Variants in SMIM38 observed in about 807,000 individuals in gnomAD.
The protein encoded by SMIM38 is small integral membrane protein 38.
rs1406024780 is a variant in SMIM38 at position 69,158,879 on chromosome 11, A to C, written c.*877A>C. 6.6e-6 allele frequency: 1 copy of C among 152,262 alleles called. No individual in the cohort carries two copies. The highest frequency in any genetic ancestry group is 1.9e-4 in the East Asian group (1 of 5,198). 9.4% of individuals were successfully genotyped at this position (152,262 alleles called of 1,614,324 possible). On this transcript the variant is annotated 3_prime_UTR_variant, in exon 2 of 3. Coordinates refer to ENST00000686237, the MANE Select transcript of SMIM38 (RefSeq NM_001369201.2). ...GCTTGGGGAAGCTCAAAGGCTCCACATTCGAGCCTCTTGGGGGAAATTCGG... is the reference window on the plus strand; with the variant it reads ...GCTTGGGGAAGCTCAAAGGCTCCACCTTCGAGCCTCTTGGGGGAAATTCGG...
Position 69,158,946 on chromosome 11 carries a change from C to T in SMIM38, c.*944C>T, listed in dbSNP as rs1262533032. On this transcript the variant is annotated 3_prime_UTR_variant, in exon 2 of 3. Coordinates refer to ENST00000686237, the MANE Select transcript of SMIM38 (RefSeq NM_001369201.2). ...AGTTCCACACTGTATTTCCTGGGAT[C>T]GTTCCAGCAGATCGTGGATTGCAGC... is the stretch of plus-strand genomic sequence containing the variant. 1 of 152,248 alleles carries T rather than the reference C, an allele frequency of 6.6e-6. No individual in the cohort carries two copies. The highest frequency in any genetic ancestry group is 1.5e-5 in the Non-Finnish European group (1 of 68,068). The allele number at this position is 152,248 out of a possible 1,614,324, so 9.4% of individuals were successfully genotyped here.
chr11:69,156,306 C>T (rs1856986188), intron 1 of SMIM38, among the ~76,000 whole-genome samples, 192 bp downstream of exon 1: 1 of 152,262 alleles, frequency 6.6e-6, no homozygotes, highest in Middle Eastern at 3.2e-3. Flanking sequence ...GTAGCTCAGG[C>T]TGGACATTTG....
rs1011551047 is a variant in SMIM38, at chr11:69,160,944, T to C, written c.*2848T>C. ...GAGAGGCTTTAAAAGTATTTTGTTT[T>C]TCTTTCTTCACGTAGCAAGAAGTCT... On this transcript the variant is annotated 3_prime_UTR_variant, in exon 3 of 3. Transcript: ENST00000686237. The C allele has an allele frequency of 6.6e-6, 1 of 152,236 alleles. No individual in the cohort carries two copies. Among genetic ancestry groups the C allele is most frequent in the African/African-American group, 2.4e-5 (1 of 41,472 alleles). The allele number at this position is 152,236 out of a possible 1,614,324, so 9.4% of individuals were successfully genotyped here.
At position 69,159,769 on chromosome 11, in the gene SMIM38, C is replaced by T. The variant is rs547187095; in HGVS notation, c.*1673C>T. On this transcript the variant is annotated 3_prime_UTR_variant, in exon 3 of 3. Coordinates refer to ENST00000686237, the MANE Select transcript of SMIM38 (RefSeq NM_001369201.2). Reference sequence around the variant, plus strand: ...CTCTGCCTGAATATTCTCGCCTGATCGTAGGATTGTGGGGAGGGATATTCT... The same window carrying T: ...CTCTGCCTGAATATTCTCGCCTGATTGTAGGATTGTGGGGAGGGATATTCT... 3.9e-5 allele frequency: 6 copies of T among 152,232 alleles called. No homozygotes were observed. The highest frequency in any genetic ancestry group is 2.1e-4 in the South Asian group (1 of 4,814). 9.4% of individuals were successfully genotyped at this position (152,232 alleles called of 1,614,324 possible).
rs770301131 is a variant in SMIM38 at position 69,161,130 on chromosome 11, A to G, written c.*3034A>G. The G allele has an allele frequency of 6.6e-6, 1 of 152,250 alleles. No individual in the cohort carries two copies. The highest frequency in any genetic ancestry group is 1.9e-4 in the East Asian group (1 of 5,198). 9.4% of individuals were successfully genotyped at this position (152,250 alleles called of 1,614,324 possible). On this transcript the variant is annotated 3_prime_UTR_variant, in exon 3 of 3. Transcript: ENST00000686237. ...CAGGCATCTTACACGAGTTCCAGGC[A>G]GGAAGAGAAAGGAAAGGGTGACAGA...
chr11:69,161,055 C>T lies in SMIM38; in HGVS notation c.*2959C>T, dbSNP rs1304716891. ...CCTGACATATTTCTGCTCTGCTACC[C>T]TCAGCATGTAGATTTGATCTTCACG... On this transcript the variant is annotated 3_prime_UTR_variant, in exon 3 of 3. Transcript: ENST00000686237. The T allele has an allele frequency of 6.6e-6, 1 of 152,236 alleles. No individual in the cohort carries two copies. The highest frequency in any genetic ancestry group is 1.5e-5 in the Non-Finnish European group (1 of 68,048). 9.4% of individuals were successfully genotyped at this position (152,236 alleles called of 1,614,324 possible).
Position 69,161,002 on chromosome 11 carries a change from G to C in SMIM38, c.*2906G>C, listed in dbSNP as rs1469821147. On this transcript the variant is annotated 3_prime_UTR_variant, in exon 3 of 3. Transcript: ENST00000686237. The stretch of plus-strand genomic sequence containing the variant: ...GGCATTCCCAGGCTGTGGCGTGACA[G>C]CTTTGTGAAGTTATCAGGGTCTCAG... The C allele has an allele frequency of 6.6e-6, 1 of 152,238 alleles. No individual in the cohort carries two copies. Among genetic ancestry groups the C allele is most frequent in the African/African-American group, 2.4e-5 (1 of 41,454 alleles). The allele number at this position is 152,238 out of a possible 1,614,324, so 9.4% of individuals were successfully genotyped here.
At chr11:69,156,591 CGTGTGTGT>C (rs10651002) in intron 1 of SMIM38, among the ~76,000 whole-genome samples, 2 of 150,702 alleles carry the variant, frequency 1.3e-5, no homozygotes, top group African/African-American at 2.4e-5. Context: ...CATGTGTATG[CGTGTGTGT>C]GTGTGTGTGT....
At chr11:69,156,672 C>G (rs746632319) in intron 1 of SMIM38, among the ~76,000 whole-genome samples, 1 of 152,086 alleles carries the variant, frequency 6.6e-6, no homozygotes, top group Non-Finnish European at 1.5e-5. Context: ...GATGTGGAGG[C>G]CTTTCTGAAG....
Position 69,161,999 on chromosome 11 carries a change from A to G in SMIM38, c.*3903A>G, listed in dbSNP as rs1857057914. ...ACACAGGGAGAAAATGGCCACGTAC[A>G]AGCCAAGATGAGAGGACTCAGGAAG... On this transcript the variant is annotated 3_prime_UTR_variant, in exon 3 of 3. Transcript: ENST00000686237. 1 of 152,204 alleles carries G rather than the reference A, an allele frequency of 6.6e-6. No homozygotes were observed. Among genetic ancestry groups the G allele is most frequent in the South Asian group, 2.1e-4 (1 of 4,822 alleles). 9.4% of individuals were successfully genotyped at this position (152,204 alleles called of 1,614,324 possible). A position where few individuals can be genotyped will look rare whatever the true frequency, so the allele number is the denominator to read the frequency against.
At position 69,158,866 on chromosome 11, in the gene SMIM38, T is replaced by G. The variant is rs1258848774; in HGVS notation, c.*864T>G. 1 of 152,210 alleles carries G rather than the reference T, an allele frequency of 6.6e-6. No homozygotes were observed. Among genetic ancestry groups the G allele is most frequent in the Non-Finnish European group, 1.5e-5 (1 of 68,054 alleles). 9.4% of individuals were successfully genotyped at this position (152,210 alleles called of 1,614,324 possible). ...GACTTAACCCACAGCTTGGGGAAGC[T>G]CAAAGGCTCCACATTCGAGCCTCTT... On this transcript the variant is annotated 3_prime_UTR_variant, in exon 2 of 3. Transcript: ENST00000686237.
At chr11:69,156,976 G>A (rs1200299021) in intron 1 of SMIM38, among the ~76,000 whole-genome samples, 198 bp from the exon 2 acceptor site, 1 of 152,240 alleles carries the variant, frequency 6.6e-6, no homozygotes, top group South Asian at 2.1e-4. Flanking sequence ...GGTTGGAGGG[G>A]CGAGCTGGAG....
chr11:69,161,774 A>G lies in SMIM38; in HGVS notation c.*3678A>G, dbSNP rs1296984778. 6.6e-6 allele frequency: 1 copy of G among 152,240 alleles called. No homozygotes were observed. Among genetic ancestry groups the G allele is most frequent in the East Asian group, 1.9e-4 (1 of 5,202 alleles). 9.4% of individuals were successfully genotyped at this position (152,240 alleles called of 1,614,324 possible). ...ATAAAAGGATAGTGTTAGGGCTGGAATGTCTTCCCCCCAATTCATATGTTG... is the reference window on the plus strand; with the variant it reads ...ATAAAAGGATAGTGTTAGGGCTGGAGTGTCTTCCCCCCAATTCATATGTTG... On this transcript the variant is annotated 3_prime_UTR_variant, in exon 3 of 3. Transcript: ENST00000686237.
chr11:69,156,873 C>T (rs2924523), intron 1 of SMIM38, among the ~76,000 whole-genome samples: 3 of 152,142 alleles, frequency 2.0e-5, no homozygotes, highest in South Asian at 2.1e-4. Context: ...GACTGGCCTC[C>T]GGTCCAGGGT....
At position 69,159,173 on chromosome 11, in the gene SMIM38, G is replaced by T. The variant is rs1402967597; in HGVS notation, c.*1171G>T. 6.6e-6 allele frequency: 1 copy of T among 152,272 alleles called. No individual in the cohort carries two copies. Among genetic ancestry groups the T allele is most frequent in the Non-Finnish European group, 1.5e-5 (1 of 68,100 alleles). The allele number at this position is 152,272 out of a possible 1,614,324, so 9.4% of individuals were successfully genotyped here. ...AAGTCCTCTGAACACGAAGCTCGCA[G>T]AGGGGGTGATTCCTGTGAATTCTGA... On this transcript the variant is annotated 3_prime_UTR_variant, in exon 2 of 3. Transcript: ENST00000686237.
chr11:69,159,010 G>GATC lies in SMIM38; in HGVS notation c.*1008_*1009insATC, dbSNP rs1590780859. ...TGCATGCGGAACTGTGAGATGGAAG[G>GATC]GACTGTGGGCGGCAGCTCCAGGGAG... On this transcript the variant is annotated 3_prime_UTR_variant, in exon 2 of 3. Transcript: ENST00000686237. 1.3e-5 allele frequency: 2 copies of GATC among 152,298 alleles called. No homozygotes were observed. Among genetic ancestry groups the GATC allele is most frequent in the East Asian group, 3.9e-4 (2 of 5,194 alleles). The allele number at this position is 152,298 out of a possible 1,614,324, so 9.4% of individuals were successfully genotyped here. A position where few individuals can be genotyped will look rare whatever the true frequency, so the allele number is the denominator to read the frequency against.
In SMIM38 at chr11:69,161,858, A is replaced by G. The variant is rs1203670831; in HGVS notation, c.*3762A>G. On this transcript the variant is annotated 3_prime_UTR_variant, in exon 3 of 3. Transcript: ENST00000686237. Reference sequence around the variant, plus strand: ...GTGTTTGAAGATATGGTCTTTACAGAGGGAATAAAGTTAAAATAAGGTCAT... The same window carrying G: ...GTGTTTGAAGATATGGTCTTTACAGGGGGAATAAAGTTAAAATAAGGTCAT... 6.6e-6 allele frequency: 1 copy of G among 152,146 alleles called. No individual in the cohort carries two copies. The highest frequency in any genetic ancestry group is 1.5e-5 in the Non-Finnish European group (1 of 68,024). The allele number at this position is 152,146 out of a possible 1,614,324, so 9.4% of individuals were successfully genotyped here. A position where few individuals can be genotyped will look rare whatever the true frequency, so the allele number is the denominator to read the frequency against.
At chr11:69,156,607 T>C (rs1856990356) in intron 1 of SMIM38, among the ~76,000 whole-genome samples, 1 of 150,492 alleles carries the variant, frequency 6.6e-6, no homozygotes, top group Admixed American at 6.6e-5. Flanking sequence ...TGTGTGTGTG[T>C]GTGCGCGCGT....
chr11:69,156,897 T>C (rs1471765765), intron 1 of SMIM38, among the ~76,000 whole-genome samples: 1 of 152,216 alleles, frequency 6.6e-6, no homozygotes, highest in Non-Finnish European at 1.5e-5. Flanking sequence ...TGTGAGGATG[T>C]CAGGGGACCC....
Sources: gnomAD v4.1 joint callset for allele counts (sites outside exome capture counted in the v4.1 genomes callset) on GRCh38, gnomAD v4.1.1 for gene constraint, MANE v1.5 for transcripts, NCBI Gene and HGNC (gene_info 2026-07-23, HGNC 2026-07-21) for gene names.